NLGN1: variants seen among roughly 807,000 people sequenced by gnomAD.
NLGN1 encodes neuroligin-1.
NLGN1 carries 12 observed loss-of-function variants against 65.5 expected under a neutral mutation model. That is an observed-to-expected ratio of 0.18 (90% CI 0.12 to 0.30). NLGN1 has a LOEUF of 0.30. NLGN1 is among the 10% of genes least tolerant of loss of function. The pLI, the probability that NLGN1 is intolerant of heterozygous loss-of-function variation, is 1.00. For missense variants in NLGN1, 750 were observed against 1,007.1 expected (o/e 0.74, Z 3.46); for synonymous variants, 350 against 359.5 (o/e 0.97, Z 0.30).
chr3:173,662,624 C>A (rs531259216), intron 3 of NLGN1, among the ~76,000 whole-genome samples: 3 of 151,872 alleles, frequency 2.0e-5, no homozygotes, highest in Non-Finnish European at 4.4e-5. Context: ...TGGAAGGATT[C>A]CAGATGTTTT....
chr3:174,177,561 G>A (rs181928963), intron 4 of NLGN1, among the ~76,000 whole-genome samples: 421 of 152,040 alleles, frequency 2.8e-3, no homozygotes, highest in Non-Finnish European at 4.9e-3. Flanking sequence ...CTTCAGCAAG[G>A]AAGAACATTA....
chr3:174,253,631 A>T (rs1187354376), intron 4 of NLGN1, among the ~76,000 whole-genome samples: 1 of 152,178 alleles, frequency 6.6e-6, no homozygotes, highest in African/African-American at 2.4e-5. Context: ...CCAGAACAGG[A>T]CCTCAGACTT....
At chr3:174,277,901 T>C (rs1487812991) in intron 5 of NLGN1, among the ~76,000 whole-genome samples, 3 of 151,994 alleles carry the variant, frequency 2.0e-5, no homozygotes, top group Non-Finnish European at 4.4e-5. Context: ...TATTTGGAAA[T>C]TGATAAAATT....
intron 3 of NLGN1, among the ~76,000 whole-genome samples, chr3:173,742,710 C>T (rs929256077): frequency 2.0e-5 from 3 of 152,030 alleles, no homozygotes; most frequent in African/African-American, 7.2e-5. Context: ...GTTCAGTCTA[C>T]ATTTCTTTTT....
intron 1 of NLGN1, among the ~76,000 whole-genome samples, chr3:173,398,993 A>G (rs1487247072): frequency 6.6e-6 from 1 of 152,130 alleles, no homozygotes; most frequent in Non-Finnish European, 1.5e-5. Context: ...ATGTCTCAGC[A>G]TTTCTATCAG....
At position 173,737,234 on chromosome 3, in the gene NLGN1, GAAAAAA is replaced by G. The variant is rs11362529; in HGVS notation, c.494-70439_494-70434del. ...TGCTAATATAAAGCCTCCTCACTAA[GAAAAAA>G]AAAAAAGTTTTATTGAGATTTAATT... On this transcript the variant is annotated intron_variant, in intron 3 of 6. Coordinates refer to ENST00000457714, the Ensembl canonical transcript of NLGN1. Among the ~76,000 whole-genome samples the G allele has an allele frequency of 2.0e-5, 3 of 149,734 alleles. No homozygotes were observed. In the South Asian group the frequency reaches 6.3e-4, roughly 32 times the overall value.
chr3:173,964,441 GGACA>G (rs754777969), intron 4 of NLGN1, among the ~76,000 whole-genome samples: 58 of 152,202 alleles, frequency 3.8e-4, no homozygotes, highest in Admixed American at 1.0e-3. Flanking sequence ...AACTACATAG[GGACA>G]GAGGCAAGAC....
chr3:173,754,946 A>ATACCG (rs1488131930), intron 3 of NLGN1, among the ~76,000 whole-genome samples: 6 of 152,144 alleles, frequency 3.9e-5, no homozygotes, highest in African/African-American at 1.4e-4. Context: ...AGAGTTTACC[A>ATACCG]TGAAATGCCA....
At chr3:173,959,475 A>T (rs2152344342) in intron 4 of NLGN1, among the ~76,000 whole-genome samples, 1 of 152,360 alleles carries the variant, frequency 6.6e-6, no homozygotes, top group African/African-American at 2.4e-5. Flanking sequence ...TGAGAAAGAA[A>T]TAAACCTTTG....
Position 174,151,911 on chromosome 3 carries a change from G to T in NLGN1, c.647-123404G>T, listed in dbSNP as rs9852873. 8.8e-3 allele frequency among the ~76,000 whole-genome samples: 1,333 copies of T among 152,038 alleles called. 22 individuals are homozygous for T. Among genetic ancestry groups the T allele is most frequent in the African/African-American group, 0.031 (1,277 of 41,486 alleles). The stretch of plus-strand genomic sequence containing the variant: ...CATTTCTGAGTTAAAAGTTTGCTGA[G>T]AAAAAAATATATATACCATGAACTT... On this transcript the variant is annotated intron_variant, in intron 4 of 6. Coordinates refer to ENST00000457714, the Ensembl canonical transcript of NLGN1.
chr3:173,417,162 A>G (rs944386291), intron 1 of NLGN1, among the ~76,000 whole-genome samples: 7 of 151,964 alleles, frequency 4.6e-5, no homozygotes, highest in African/African-American at 1.7e-4. Context: ...TCCATGTCTC[A>G]AGGTAATATC....
intron 4 of NLGN1, among the ~76,000 whole-genome samples, chr3:173,985,721 G>A (rs535773430): frequency 1.3e-5 from 2 of 152,198 alleles, no homozygotes; most frequent in Admixed American, 6.5e-5. Context: ...AGGCGCAAGC[G>A]GGTGGATCAC....
chr3:174,277,336 C>A (rs1293883866), intron 5 of NLGN1, among the ~76,000 whole-genome samples: 4 of 151,862 alleles, frequency 2.6e-5, no homozygotes, highest in African/African-American at 9.7e-5. Flanking sequence ...ACATAAGAGG[C>A]AATTTCACTA....
chr3:173,469,786 A>G (rs775861921), intron 2 of NLGN1, among the ~76,000 whole-genome samples: 1 of 152,134 alleles, frequency 6.6e-6, no homozygotes, highest in Admixed American at 6.6e-5. Flanking sequence ...GTAGCCGCCA[A>G]TCTACATTTT....
At chr3:173,902,360 T>C (rs951177128) in intron 4 of NLGN1, among the ~76,000 whole-genome samples, 4 of 152,092 alleles carry the variant, frequency 2.6e-5, no homozygotes, top group Admixed American at 6.6e-5. Flanking sequence ...GATTTCAGAA[T>C]TGACATAGAA....
At chr3:173,890,012 TTTAA>T (rs1735041915) in intron 4 of NLGN1, among the ~76,000 whole-genome samples, 1 of 152,018 alleles carries the variant, frequency 6.6e-6, no homozygotes, top group Admixed American at 6.6e-5. Flanking sequence ...TGTGTGTGTG[TTTAA>T]TTAGGTAAAA....
chr3:173,910,391 G>C (rs1037587582), intron 4 of NLGN1: 5 of 152,180 alleles, frequency 3.3e-5, no homozygotes, highest in African/African-American at 1.2e-4. Flanking sequence ...TCCTACAACA[G>C]ACTGGATATC....
intron 3 of NLGN1, among the ~76,000 whole-genome samples, chr3:173,639,942 CTT>C (rs1484863371): frequency 1.3e-5 from 2 of 151,836 alleles, no homozygotes; most frequent in Non-Finnish European, 2.9e-5. Context: ...CTTTCTGTCT[CTT>C]TTCTTCTTCC....
intron 1 of NLGN1, among the ~76,000 whole-genome samples, chr3:173,410,989 C>CA (rs1376548794): frequency 6.6e-6 from 1 of 152,194 alleles, no homozygotes; most frequent in Non-Finnish European, 1.5e-5. Flanking sequence ...GTTGTTGACT[C>CA]AGAGCCATTG....
Sources: allele counts gnomAD v4.1 joint callset (sites outside exome capture counted in the v4.1 genomes callset), GRCh38; gene constraint gnomAD v4.1.1; transcripts MANE v1.5; gene names NCBI Gene and HGNC (gene_info 2026-07-23, HGNC 2026-07-21).